Variants in CREB5 observed in about 807,000 individuals in gnomAD.
CREB5 encodes cAMP responsive element binding protein 5.
In CREB5, 19 loss-of-function variants were observed where a neutral mutation model predicts 57.1. The ratio of observed to expected loss-of-function variants is 0.33; its 90% CI spans 0.23 to 0.49. CREB5 has a LOEUF of 0.49. Ranked by LOEUF, CREB5 falls within the 20% of genes least tolerant of loss-of-function variation. The probability of loss-of-function intolerance (pLI) is 0.99; values close to 1 mark genes in which losing one functional copy is unlikely to be tolerated. For synonymous variants in CREB5, 238 were observed against 238.3 expected (o/e 1.00, Z 0.01); for missense variants, 579 against 671.6 (o/e 0.86, Z 1.52).
chr7:28,780,595 A>C (rs1806916971), intron 7 of CREB5, among the ~76,000 whole-genome samples: 2 of 151,968 alleles, frequency 1.3e-5, no homozygotes, highest in Admixed American at 1.3e-4. Context: ...GGTGGCGTGC[A>C]CCTGTAATCC....
At chr7:28,386,538 T>G (rs1053093276) in intron 1 of CREB5, among the ~76,000 whole-genome samples, 4 of 152,210 alleles carry the variant, frequency 2.6e-5, no homozygotes, top group Non-Finnish European at 4.4e-5. Flanking sequence ...TCAGGACTTG[T>G]GCTTTCTGAA....
intron 1 of CREB5, among the ~76,000 whole-genome samples, chr7:28,390,050 T>TG (rs1453321933): frequency 6.6e-6 from 1 of 151,870 alleles, no homozygotes; most frequent in Non-Finnish European, 1.5e-5. Flanking sequence ...GAGGGTTTTT[T>TG]TTTTTTTCAA....
intron 1 of CREB5, among the ~76,000 whole-genome samples, chr7:28,446,117 C>G (rs1263099334): frequency 1.3e-5 from 2 of 152,176 alleles, no homozygotes; most frequent in Non-Finnish European, 2.9e-5. Context: ...TCAGGCAGAC[C>G]ATCGTCCCCT....
At chr7:28,659,189 C>G (rs1336876478) in intron 5 of CREB5, among the ~76,000 whole-genome samples, 1 of 151,626 alleles carries the variant, frequency 6.6e-6, no homozygotes, top group African/African-American at 2.4e-5. Context: ...TTAGGGATGC[C>G]TGAGTAAAGT....
intron 9 of CREB5, among the ~76,000 whole-genome samples, chr7:28,816,119 TTTGG>T (rs746854933): frequency 2.3e-4 from 35 of 151,946 alleles, no homozygotes; most frequent in Non-Finnish European, 4.7e-4. Context: ...TTGGTTTTTG[TTTGG>T]TTGTTTTTTT....
At chr7:28,714,313 T>C (rs1164422037) in intron 5 of CREB5, among the ~76,000 whole-genome samples, 2 of 152,198 alleles carry the variant, frequency 1.3e-5, no homozygotes, top group Admixed American at 1.3e-4. Context: ...GATCAATATC[T>C]TCCCATCTTC....
chr7:28,611,802 A>G (rs1321260529), intron 5 of CREB5, among the ~76,000 whole-genome samples: 1 of 152,082 alleles, frequency 6.6e-6, no homozygotes, highest in African/African-American at 2.4e-5. Flanking sequence ...ACTGTTCTAT[A>G]TCATGGTTGC....
Position 28,818,860 on chromosome 7 carries a change from A to C in CREB5, c.1364-256A>C, listed in dbSNP as rs573701119. ...ACAAAATGGGGAAGTTCACATATCC[A>C]TGACTGAAACACATCAAATCATTTT... is the stretch of plus-strand genomic sequence containing the variant. On this transcript the variant is annotated intron_variant, in intron 10 of 10. Transcript: ENST00000357727. The C allele has an allele frequency of 7.1e-4, 403 of 571,350 alleles. 1 individual carries two copies. Among genetic ancestry groups the C allele is most frequent in the Middle Eastern group, 5.7e-3 (21 of 3,658 alleles). 35.4% of individuals were successfully genotyped at this position (571,350 alleles called of 1,614,324 possible).
At chr7:28,362,126 A>G (rs10951196) in intron 1 of CREB5, among the ~76,000 whole-genome samples, 68,589 of 152,024 alleles carry the variant, frequency 0.45, 15,566 homozygotes, top group East Asian at 0.54. Context: ...ATTGTAAAAT[A>G]TACATTTGAA....
At chr7:28,632,286 T>G (rs4722828) in intron 5 of CREB5, among the ~76,000 whole-genome samples, 3,042 of 152,274 alleles carry the variant, frequency 0.02, 62 homozygotes, top group Admixed American at 0.058. Context: ...CTCTCTCACT[T>G]TTCCATTTCC....
intron 5 of CREB5, among the ~76,000 whole-genome samples, chr7:28,634,538 T>G (rs184256710): frequency 6.6e-6 from 1 of 152,286 alleles, no homozygotes; most frequent in East Asian, 1.9e-4. Flanking sequence ...GGCCACAATT[T>G]CTCATGTGCC....
chr7:28,786,256 A>T (rs2237357), intron 7 of CREB5, among the ~76,000 whole-genome samples: 87,769 of 151,916 alleles, frequency 0.58, 25,738 homozygotes, highest in Non-Finnish European at 0.62. Flanking sequence ...TACTTTATTT[A>T]TTTATTTAGA....
chr7:28,475,028 C>T (rs1056197082), intron 1 of CREB5, among the ~76,000 whole-genome samples: 1 of 152,178 alleles, frequency 6.6e-6, no homozygotes, highest in South Asian at 2.1e-4. Context: ...AGGCTTTCCA[C>T]ATATATAAAC....
At chr7:28,609,973 A>C (rs1012107457) in intron 5 of CREB5, among the ~76,000 whole-genome samples, 5 of 152,216 alleles carry the variant, frequency 3.3e-5, no homozygotes, top group African/African-American at 1.2e-4. Context: ...ACATTGGTTC[A>C]AATGGCTAAA....
intron 1 of CREB5, among the ~76,000 whole-genome samples, chr7:28,386,841 T>C (rs925724538): frequency 1.3e-4 from 20 of 152,198 alleles, no homozygotes; most frequent in Non-Finnish European, 2.8e-4. Flanking sequence ...ATCTCTCTGT[T>C]CCTGCATTAG....
At chr7:28,614,543 G>A (rs974299321) in intron 5 of CREB5, among the ~76,000 whole-genome samples, 10 of 152,192 alleles carry the variant, frequency 6.6e-5, no homozygotes, top group Admixed American at 1.3e-4. Context: ...GAAACTTTTT[G>A]AGACACTGCT....
At chr7:28,738,760 A>G (rs1359186062) in intron 7 of CREB5, among the ~76,000 whole-genome samples, 1 of 152,184 alleles carries the variant, frequency 6.6e-6, no homozygotes, top group Non-Finnish European at 1.5e-5. Context: ...AGACAAAGAT[A>G]ATTTGTCACA....
chr7:28,719,973 T>A (rs1252759621), intron 6 of CREB5, among the ~76,000 whole-genome samples: 1 of 152,116 alleles, frequency 6.6e-6, no homozygotes, highest in Non-Finnish European at 1.5e-5. Context: ...GGCAGGAGAA[T>A]CGCTTGAACC....
At chr7:28,582,906 T>TA (rs1771255532) in intron 5 of CREB5, among the ~76,000 whole-genome samples, 2 of 152,142 alleles carry the variant, frequency 1.3e-5, no homozygotes. Flanking sequence ...ATGGTTTTTT[T>TA]AAAATTAAAT....
Sources: gnomAD v4.1 joint callset for allele counts (sites outside exome capture counted in the v4.1 genomes callset) on GRCh38, gnomAD v4.1.1 for gene constraint, MANE v1.5 for transcripts, NCBI Gene and HGNC (gene_info 2026-07-23, HGNC 2026-07-21) for gene names.